The following NUP133 variants were observed in gnomAD, a reference collection of about 807,000 sequenced individuals.
The protein encoded by NUP133 is nuclear pore complex protein Nup133.
NUP133 carries 66 observed loss-of-function variants against 146.2 expected under a neutral mutation model. The ratio of observed to expected loss-of-function variants is 0.45; its 90% confidence interval spans 0.37 to 0.55. NUP133 has a LOEUF of 0.55. Ranked by LOEUF, NUP133 falls within the 20% of genes least tolerant of loss-of-function variation. The pLI, the probability that NUP133 is intolerant of heterozygous loss-of-function variation, is 0.00. For synonymous variants in NUP133, 521 were observed against 498.8 expected (o/e 1.04, Z -0.59); for missense variants, 1,277 against 1,374.8 (o/e 0.93, Z 1.12).
At chr1:229,467,477 C>A (rs1160282617) in intron 15 of NUP133, among the ~76,000 whole-genome samples, 1 of 152,202 alleles carries the variant, frequency 6.6e-6, no homozygotes, top group Non-Finnish European at 1.5e-5. Flanking sequence ...TAAAACATGA[C>A]CCAAACAAAA....
At chr1:229,478,159 T>A (rs1049638485) in intron 12 of NUP133, among the ~76,000 whole-genome samples, 20 of 151,844 alleles carry the variant, frequency 1.3e-4, no homozygotes, top group East Asian at 3.9e-4. Flanking sequence ...AAAAAAAAAA[T>A]TTTAAGTTAA....
chr1:229,474,178 CG>C (rs1661022475), intron 14 of NUP133, among the ~76,000 whole-genome samples: 1 of 152,132 alleles, frequency 6.6e-6, no homozygotes, highest in South Asian at 2.1e-4. Context: ...TGCCAGAAAG[CG>C]GGAAGAGGCT....
At chr1:229,467,258 C>T (rs1660846811) in intron 15 of NUP133, among the ~76,000 whole-genome samples, 1 of 152,192 alleles carries the variant, frequency 6.6e-6, no homozygotes, top group South Asian at 2.1e-4. Context: ...CTTCCTTTGT[C>T]ATTAATTAAT....
rs539003360 is a variant in NUP133, at chr1:229,485,989, C to T, written c.1500+382G>A. Reference sequence around the variant, plus strand: ...ACCAGCCTAGGCAACATAAGGAGATCCTGTCTCTACAAAAAATAAAAAATT... The same window carrying T: ...ACCAGCCTAGGCAACATAAGGAGATTCTGTCTCTACAAAAAATAAAAAATT... On this transcript the variant is annotated intron_variant, in intron 11 of 25. Transcript: ENST00000261396. Among the ~76,000 whole-genome samples, 7 of 152,236 alleles carry T rather than the reference C, an allele frequency of 4.6e-5. No homozygotes were observed. In the South Asian group the frequency reaches 1.5e-3, roughly 32 times the overall value.
intron 20 of NUP133, among the ~76,000 whole-genome samples, chr1:229,459,293 T>C (rs1041291896): frequency 6.6e-6 from 1 of 152,122 alleles, no homozygotes; most frequent in Non-Finnish European, 1.5e-5. Flanking sequence ...GAGGCTGATG[T>C]GGGTGGATTG....
At chr1:229,479,093 CCA>C (rs1282322491) in intron 12 of NUP133, among the ~76,000 whole-genome samples, 1 of 152,110 alleles carries the variant, frequency 6.6e-6, no homozygotes, top group Admixed American at 6.5e-5. Flanking sequence ...GAGAGACCAA[CCA>C]CACTCACATA....
At chr1:229,492,541 G>T (rs139565280) in intron 8 of NUP133, among the ~76,000 whole-genome samples, 1 of 151,938 alleles carries the variant, frequency 6.6e-6, no homozygotes, top group Admixed American at 6.6e-5. Flanking sequence ...ATCCTAGCAC[G>T]GCTCATTTTC....
At chr1:229,466,839 A>C in intron 15 of NUP133, 83 bp from the exon 16 acceptor site, 1 of 1,368,596 alleles carries the variant, frequency 7.3e-7, no homozygotes, top group Non-Finnish European at 1.0e-6. Context: ...TTACTCATTA[A>C]GCCATATCCT....
chr1:229,505,989 T>C, intron 2 of NUP133, 51 bp downstream of exon 2: 1 of 1,049,202 alleles, frequency 9.5e-7, no homozygotes, highest in South Asian at 1.3e-5. Flanking sequence ...ATGCCACATC[T>C]AGGCTCCATT....
chr1:229,452,699 T>C, intron 21 of NUP133, 56 bp from the exon 22 acceptor site: 3 of 1,385,428 alleles, frequency 2.2e-6, no homozygotes, highest in Non-Finnish European at 2.0e-6. Context: ...TGACTTTTGC[T>C]CTCATTTTTG....
At chr1:229,460,062 T>C (rs1041556366) in intron 20 of NUP133, among the ~76,000 whole-genome samples, 1 of 152,202 alleles carries the variant, frequency 6.6e-6, no homozygotes, top group Non-Finnish European at 1.5e-5. Flanking sequence ...TTCGAACAAA[T>C]GTACGGTGAT....
At position 229,508,273 on chromosome 1, in the gene NUP133, A is replaced by T; in HGVS notation, c.-24T>A. The T allele has an allele frequency of 2.8e-6, 4 of 1,427,988 alleles. No individual in the cohort carries two copies. The highest frequency in any genetic ancestry group is 3.7e-6 in the Non-Finnish European group (4 of 1,084,648). 88.5% of individuals were successfully genotyped at this position (1,427,988 alleles called of 1,614,324 possible). On this transcript the variant is annotated 5_prime_UTR_variant, in exon 1 of 26. Coordinates refer to ENST00000261396, the MANE Select transcript of NUP133 (RefSeq NM_018230.3). ...ATGACTCCAAGGAGCAGCGACTAGG[A>T]CAGCGAGGGATCTGGCCGTCAGGTT... is the stretch of plus-strand genomic sequence containing the variant.
At chr1:229,443,763 C>G (rs956943659) in intron 25 of NUP133, among the ~76,000 whole-genome samples, 7 of 134,348 alleles carry the variant, frequency 5.2e-5, no homozygotes, top group Middle Eastern at 5.1e-3. Flanking sequence ...GAGTCTCGCT[C>G]TGTCACCCAG....
chr1:229,493,887 C>T (rs953517655), intron 8 of NUP133, among the ~76,000 whole-genome samples: 1 of 152,196 alleles, frequency 6.6e-6, no homozygotes. Context: ...AATCCCACTA[C>T]TTTGGGAGGC....
chr1:229,458,710 C>CT (rs1271669005), intron 20 of NUP133, among the ~76,000 whole-genome samples: 5 of 142,230 alleles, frequency 3.5e-5, no homozygotes, highest in African/African-American at 1.4e-4. Flanking sequence ...TGATGGACTA[C>CT]ATTTTTTTTT....
chr1:229,475,580 A>G, intron 14 of NUP133, 58 bp downstream of exon 14: 1 of 1,231,950 alleles, frequency 8.1e-7, no homozygotes, highest in Non-Finnish European at 1.2e-6. Flanking sequence ...GAGACTTCCC[A>G]CTGTGTTGGA....
intron 19 of NUP133, among the ~76,000 whole-genome samples, chr1:229,463,113 A>G (rs1015905461): frequency 6.6e-6 from 1 of 152,204 alleles, no homozygotes; most frequent in African/African-American, 2.4e-5. Context: ...TTGTGTGGTC[A>G]GGCGATGGCT....
At chr1:229,456,769 A>C (rs906635160) in intron 21 of NUP133, among the ~76,000 whole-genome samples, 4 of 151,724 alleles carry the variant, frequency 2.6e-5, no homozygotes, top group African/African-American at 4.9e-5. Flanking sequence ...ACAATTTTAT[A>C]TATACACACA....
chr1:229,478,327 A>C (rs1259389325), intron 12 of NUP133, among the ~76,000 whole-genome samples: 2 of 151,858 alleles, frequency 1.3e-5, no homozygotes, highest in Non-Finnish European at 3.0e-5. Context: ...CTGGACACAG[A>C]AAGATAAAAA....
Sources: gnomAD v4.1 joint callset for allele counts (sites outside exome capture counted in the v4.1 genomes callset) on GRCh38, gnomAD v4.1.1 for gene constraint, MANE v1.5 for transcripts, NCBI Gene and HGNC (gene_info 2026-07-23, HGNC 2026-07-21) for gene names.